The following TRDN variants were observed in gnomAD, a reference collection of about 807,000 sequenced individuals.
TRDN encodes the protein triadin, also known as triadin in skeletal muscle.
A neutral mutation model predicts 149.7 loss-of-function variants in TRDN; 161 were observed. The ratio of observed to expected loss-of-function variants is 1.08; its 90% CI spans 0.95 to 1.23. TRDN has a LOEUF of 1.23. Among genes scored for constraint, TRDN ranks in the 50% most tolerant of loss-of-function variants. The pLI, the probability that TRDN is intolerant of heterozygous loss-of-function variation, is 0.00. For synonymous variants in TRDN, 294 were observed against 250.5 expected (o/e 1.17, Z -1.64); for missense variants, 896 against 823.5 (o/e 1.09, Z -1.08).
chr6:123,605,376 G>C (rs17085492), intron 1 of TRDN, among the ~76,000 whole-genome samples: 14 of 150,724 alleles, frequency 9.3e-5, no homozygotes, highest in Admixed American at 2.7e-4. Flanking sequence ...GAACATATTG[G>C]AGAGAAATAA....
chr6:123,277,715 A>C (rs1431055421), intron 26 of TRDN, among the ~76,000 whole-genome samples: 1 of 152,176 alleles, frequency 6.6e-6, no homozygotes, highest in African/African-American at 2.4e-5. Context: ...TTTCATGGAA[A>C]GCATGTCCCT....
At chr6:123,309,277 G>T (rs1483308540) in intron 24 of TRDN, among the ~76,000 whole-genome samples, 1 of 151,626 alleles carries the variant, frequency 6.6e-6, no homozygotes, top group East Asian at 1.9e-4. Context: ...GCCATCTTCT[G>T]CTAGCCATGT....
intron 2 of TRDN, among the ~76,000 whole-genome samples, chr6:123,561,070 G>C (rs1040096060): frequency 2.0e-5 from 3 of 152,126 alleles, no homozygotes; most frequent in Non-Finnish European, 4.4e-5. Context: ...TCTTGGTCTA[G>C]GTAGACACTT....
chr6:123,573,266 G>C (rs1782669085), intron 1 of TRDN, among the ~76,000 whole-genome samples: 1 of 152,052 alleles, frequency 6.6e-6, no homozygotes, highest in Non-Finnish European at 1.5e-5. Context: ...CAATTTGCAG[G>C]TGTGTGATGG....
At chr6:123,400,454 T>C (rs1772919979) in intron 12 of TRDN, among the ~76,000 whole-genome samples, 1 of 151,918 alleles carries the variant, frequency 6.6e-6, no homozygotes. Context: ...ATTAGTTAGA[T>C]CCTCATAGGG....
chr6:123,280,506 G>C (rs1253997197), intron 24 of TRDN, among the ~76,000 whole-genome samples: 1 of 151,720 alleles, frequency 6.6e-6, no homozygotes, highest in East Asian at 1.9e-4. Flanking sequence ...TGACTCTATA[G>C]GTCAATTTGG....
At chr6:123,625,938 A>T (rs1030915775) in intron 1 of TRDN, among the ~76,000 whole-genome samples, 1 of 152,142 alleles carries the variant, frequency 6.6e-6, no homozygotes, top group African/African-American at 2.4e-5. Context: ...AGTTGGCCAC[A>T]TCGATGGACT....
At chr6:123,455,406 C>CTGTGTGTGTGTG (rs71751722) in intron 10 of TRDN, among the ~76,000 whole-genome samples, 34 of 145,742 alleles carry the variant, frequency 2.3e-4, no homozygotes, top group African/African-American at 7.3e-4. Flanking sequence ...AAGGCAACCA[C>CTGTGTGTGTGTG]TGTGTGTGTG....
Position 123,476,549 on chromosome 6 carries a change from G to A in TRDN, c.854-11566C>T, listed in dbSNP as rs1275321395. Among the ~76,000 whole-genome samples, 5 of 141,858 alleles carry A rather than the reference G, an allele frequency of 3.5e-5. No individual in the cohort carries two copies. In the East Asian group the frequency reaches 1.1e-3, roughly 30 times the overall value. The allele number at this position is 141,858 out of a possible 152,430, so 93.1% of individuals were successfully genotyped here. A position where few individuals can be genotyped will look rare whatever the true frequency, so the allele number is the denominator to read the frequency against. ...ACCAATGACTTTCTTCACAGAATTG[G>A]AAAAAACTACTTTAAAGTTCATATG... is the stretch of plus-strand genomic sequence containing the variant. On this transcript the variant is annotated intron_variant, in intron 9 of 40. Transcript: ENST00000334268.
intron 8 of TRDN, among the ~76,000 whole-genome samples, chr6:123,499,441 C>T (rs553637407): frequency 3.2e-4 from 48 of 151,782 alleles, no homozygotes; most frequent in African/African-American, 7.7e-4. Context: ...ACAAACCACA[C>T]GCCTGTAATC....
intron 21 of TRDN, chr6:123,351,457 G>T: frequency 1.0e-6 from 1 of 984,138 alleles, no homozygotes. Flanking sequence ...TCTTCAAAAA[G>T]AAACCAACAG....
Position 123,497,148 on chromosome 6 carries a change from A to T in TRDN, c.853+45T>A, listed in dbSNP as rs752492531. 2.2e-5 allele frequency: 32 copies of T among 1,436,018 alleles called. No homozygotes were observed. In the East Asian group the frequency reaches 7.9e-4, roughly 36 times the overall value. 89.0% of individuals were successfully genotyped at this position (1,436,018 alleles called of 1,614,324 possible). ...ACATAAAAAGCCCACAATCTTAGAA[A>T]CAAAGACTATTAAAACAGACAAGTA... On this transcript the variant is annotated intron_variant, in intron 9 of 40. Coordinates refer to ENST00000334268, the MANE Select transcript of TRDN (RefSeq NM_006073.4).
chr6:123,530,633 C>T, intron 4 of TRDN, 68 bp from the exon 5 acceptor site: 1 of 947,304 alleles, frequency 1.1e-6, no homozygotes, highest in Non-Finnish European at 1.4e-6. Flanking sequence ...ATAGCTATGA[C>T]CTAAACTTTA....
intron 12 of TRDN, among the ~76,000 whole-genome samples, chr6:123,400,190 A>ATATATATATATATATAT (rs1562295327): frequency 1.9e-4 from 9 of 46,520 alleles, no homozygotes; most frequent in African/African-American, 3.4e-4. Context: ...TATATATATA[A>ATATATATATATATATAT]ACACACACAT....
intron 20 of TRDN, among the ~76,000 whole-genome samples, chr6:123,365,178 T>C (rs1185132441): frequency 6.6e-6 from 1 of 152,174 alleles, no homozygotes; most frequent in Non-Finnish European, 1.5e-5. Context: ...AGAGCATCTA[T>C]TAATTTCAAT....
chr6:123,351,507 G>A, intron 21 of TRDN: 2 of 983,160 alleles, frequency 2.0e-6, no homozygotes, highest in South Asian at 4.7e-5. Flanking sequence ...GTCCCCAGAA[G>A]CCAGAATAAA....
At chr6:123,350,978 G>A in intron 21 of TRDN, 1 of 985,012 alleles carries the variant, frequency 1.0e-6, no homozygotes, top group Non-Finnish European at 1.2e-6. Context: ...ACACCAATGT[G>A]ATGATCAGAA....
chr6:123,249,212 C>A (rs1299181495), intron 38 of TRDN, among the ~76,000 whole-genome samples: 1 of 151,816 alleles, frequency 6.6e-6, no homozygotes, highest in Non-Finnish European at 1.5e-5. Flanking sequence ...CTAATTATGA[C>A]AGAAATTAAA....
rs1474860184 is a variant in TRDN, at chr6:123,266,702, G to A, written c.1783+1005C>T. Among the ~76,000 whole-genome samples, 2 of 97,742 alleles carry A rather than the reference G, an allele frequency of 2.0e-5. 1 individual carries two copies. The highest frequency in any genetic ancestry group is 3.8e-5 in the Non-Finnish European group (2 of 53,212). 64.1% of individuals were successfully genotyped at this position (97,742 alleles called of 152,430 possible). A position where few individuals can be genotyped will look rare whatever the true frequency, so the allele number is the denominator to read the frequency against. ...ATATATATGTAATATATTATAATAT[G>A]TATTATATATAATATATATGATATA... On this transcript the variant is annotated intron_variant, in intron 32 of 40. Coordinates refer to ENST00000334268, the MANE Select transcript of TRDN (RefSeq NM_006073.4).
Sources: allele counts gnomAD v4.1 joint callset (sites outside exome capture counted in the v4.1 genomes callset), GRCh38; gene constraint gnomAD v4.1.1; transcripts MANE v1.5; gene names NCBI Gene and HGNC (gene_info 2026-07-23, HGNC 2026-07-21).